Variants in CDK12 observed in about 807,000 individuals in gnomAD.
The protein encoded by CDK12 is cyclin-dependent kinase 12.
A neutral mutation model predicts 133.8 loss-of-function variants in CDK12; 17 were observed. The observed-to-expected ratio is 0.13, with a 90% CI of 0.09 to 0.19. CDK12 has a LOEUF of 0.19. Among genes scored for constraint, CDK12 ranks in the 10% least tolerant of loss-of-function variants. The pLI is 1.00. For synonymous variants in CDK12, 694 were observed against 683.6 expected (o/e 1.02, Z -0.24); for missense variants, 1,508 against 1,818.7 (o/e 0.83, Z 3.11).
In CDK12 at chr17:39,526,224, C is replaced by A. The variant is rs1212019409; in HGVS notation, c.3668C>A (p.Pro1223Gln). The change falls in exon 13 of 14, where the codon CCA (proline) becomes CAA (glutamine). Residue 1223 changes from proline to glutamine, a missense_variant. Pro to Gln is a moderately conservative substitution (Grantham distance 76). Transcript: ENST00000447079. ...AGTCAGCTGATGAAAACCCAAGAGCCAGCAGGCAGTCTGGAGGAAAACAAC... is the reference window on the plus strand; with the variant it reads ...AGTCAGCTGATGAAAACCCAAGAGCAAGCAGGCAGTCTGGAGGAAAACAAC... ...LLSQLMKTQE[P>Q]AGSLEENNSD... 2 of 1,613,424 alleles carry A rather than the reference C, an allele frequency of 1.2e-6. No individual in the cohort carries two copies. Among genetic ancestry groups the A allele is most frequent in the South Asian group, 1.1e-5 (1 of 90,970 alleles).
At chr17:39,487,869 C>A (rs2051267498) in intron 2 of CDK12, among the ~76,000 whole-genome samples, 1 of 152,004 alleles carries the variant, frequency 6.6e-6, no homozygotes, top group African/African-American at 2.4e-5. Context: ...CCTGCCTTGG[C>A]CTCCCAAAGT....
chr17:39,505,314 C>T (rs1206057206), intron 6 of CDK12, among the ~76,000 whole-genome samples: 6 of 151,090 alleles, frequency 4.0e-5, no homozygotes, highest in African/African-American at 1.2e-4. Context: ...ATCACGAGGT[C>T]AAGAGATCGA....
chr17:39,471,134 A>G lies in CDK12; in HGVS notation c.1302A>G (p.Ser434=), dbSNP rs56158954. The G allele has an allele frequency of 0.019, 30,154 of 1,598,328 alleles. 387 individuals carry two copies. Among genetic ancestry groups the G allele is most frequent in the Non-Finnish European group, 0.023 (27,150 of 1,174,920 alleles). ...PVFLPRKENS[S]VEAKDSGLES... is the part of the protein sequence containing the mutation. Reference sequence around the variant, plus strand: ...TTTTGCCTAGAAAAGAGAACAGTTCAGTAGAGGCTAAGGATTCAGGTTTGG... The same window carrying G: ...TTTTGCCTAGAAAAGAGAACAGTTCGGTAGAGGCTAAGGATTCAGGTTTGG... The change falls in exon 2 of 14, where the codon TCA becomes TCG. Residue 434 remains serine (S), a synonymous_variant. Transcript: ENST00000447079.
intron 6 of CDK12, 59 bp from the exon 7 acceptor site, chr17:39,509,646 A>G: frequency 1.8e-6 from 2 of 1,114,730 alleles, no homozygotes; most frequent in Admixed American, 1.8e-5. Flanking sequence ...ATGACTTTTC[A>G]GGTGTATTTT....
chr17:39,476,610 G>T (rs1162595906), intron 2 of CDK12, among the ~76,000 whole-genome samples: 1 of 149,208 alleles, frequency 6.7e-6, no homozygotes, highest in South Asian at 2.1e-4. Context: ...AATGGGTTTC[G>T]CCCTGTTGGC....
chr17:39,526,393 T>TC, intron 13 of CDK12, 77 bp downstream of exon 13: 1 of 1,125,586 alleles, frequency 8.9e-7, no homozygotes, highest in Non-Finnish European at 1.2e-6. Flanking sequence ...ACATTTTTTT[T>TC]CCCCCACATC....
chr17:39,560,478 G>C (rs1052586753), intron 3 of CDK12, among the ~76,000 whole-genome samples: 8 of 152,146 alleles, frequency 5.3e-5, no homozygotes, highest in African/African-American at 1.9e-4. Context: ...GGAAAATTGA[G>C]GCTCATGTTA....
At chr17:39,501,506 GT>G (rs1203386571) in intron 6 of CDK12, 67 bp downstream of exon 6, 1 of 1,075,016 alleles carries the variant, frequency 9.3e-7, no homozygotes, top group African/African-American at 1.6e-5. Flanking sequence ...GTTTCAAATG[GT>G]TAATTGGTAT....
chr17:39,470,765 T>TA (rs1202441937), intron 1 of CDK12, 114 bp from the exon 2 acceptor site: 25 of 906,650 alleles, frequency 2.8e-5, no homozygotes, highest in Middle Eastern at 7.2e-4. Context: ...TGATGGCACT[T>TA]AATCTATTTT....
At chr17:39,508,735 C>T (rs1216984513) in intron 6 of CDK12, among the ~76,000 whole-genome samples, 1 of 152,118 alleles carries the variant, frequency 6.6e-6, no homozygotes, top group Non-Finnish European at 1.5e-5. Flanking sequence ...TGGCCCATGC[C>T]TGTACTCCCA....
intron 2 of CDK12, among the ~76,000 whole-genome samples, chr17:39,477,187 AT>A (rs1362136405): frequency 6.7e-6 from 1 of 150,300 alleles, no homozygotes; most frequent in Admixed American, 6.7e-5. Flanking sequence ...TGTCTGGCTA[AT>A]TTTTGTAGTG....
rs1181949082 is a variant in CDK12, at chr17:39,462,195, C to T, written c.124C>T (p.His42Tyr). The change falls in exon 1 of 14, where the codon CAC becomes TAC. Residue 42 changes from histidine to tyrosine, a missense_variant. By Grantham distance (83) the His-to-Tyr change is moderately conservative. Transcript: ENST00000447079. ...SRERHRLVSK[H>Y]KRHKSKHSKD... is the part of the protein sequence containing the mutation. The stretch of plus-strand genomic sequence containing the variant: ...AGAGCGTCACCGCTTGGTATCGAAG[C>T]ACAAGCGGCATAAGTCCAAACACTC... The T allele has an allele frequency of 2.5e-6, 4 of 1,614,212 alleles. No individual in the cohort carries two copies. The highest frequency in any genetic ancestry group is 3.4e-6 in the Non-Finnish European group (4 of 1,180,026).
chr17:39,544,228 A>T (rs1335639333), upstream of CDK12: 1 of 483,198 alleles, frequency 2.1e-6, no homozygotes, highest in South Asian at 1.5e-5. Context: ...GTCTAATGTA[A>T]CCTGCCATTT....
At chr17:39,480,437 TTTTTTTTTTG>T (rs1567702959) in intron 2 of CDK12, among the ~76,000 whole-genome samples, 1 of 149,072 alleles carries the variant, frequency 6.7e-6, no homozygotes, top group Non-Finnish European at 1.5e-5. Context: ...GCCCAGCTAG[TTTTTTTTTTG>T]TTTTGTTTTG....
chr17:39,473,940 C>A (rs945718443), intron 2 of CDK12, among the ~76,000 whole-genome samples: 12 of 151,790 alleles, frequency 7.9e-5, no homozygotes, highest in African/African-American at 2.9e-4. Context: ...GCCTGTAATC[C>A]CAGCTACTCA....
intron 2 of CDK12, among the ~76,000 whole-genome samples, chr17:39,474,989 C>T (rs2050080409): frequency 6.6e-6 from 1 of 151,724 alleles, no homozygotes; most frequent in Non-Finnish European, 1.5e-5. Context: ...CATGTGCCAC[C>T]ATGCCTGGCT....
rs748747749 is a variant in CDK12, at chr17:39,509,705, T to C, written c.2610T>C (p.Ser870=). ...IKCSNILLNN[S]GQIKLADFGL... Reference sequence around the variant, plus strand: ...AAAATAATTGTTTTTTGTTTTACAGTGGGCAAATCAAACTAGCAGATTTTG... The same window carrying C: ...AAAATAATTGTTTTTTGTTTTACAGCGGGCAAATCAAACTAGCAGATTTTG... Residue 870 remains serine, a splice_region_variant and synonymous_variant, in exon 7 of 14, where the codon AGT becomes AGC. Coordinates refer to ENST00000447079, the MANE Select transcript of CDK12 (RefSeq NM_016507.4). 2.5e-6 allele frequency: 4 copies of C among 1,611,152 alleles called. No homozygotes were observed. Among genetic ancestry groups the C allele is most frequent in the Admixed American group, 3.3e-5 (2 of 60,002 alleles).
At position 39,531,116 on chromosome 17, in the gene CDK12, G is replaced by A. The variant is rs746233561; in HGVS notation, c.4273G>A (p.Gly1425Arg). The part of the protein sequence containing the change: ...VVGQPFLKAE[G>R]SSNSVVHAET... Reference sequence around the variant, plus strand: ...CGGGCAACCATTCCTGAAGGCTGAGGGAAGCAGCAATTCTGTGGTACATGC... The same window carrying A: ...CGGGCAACCATTCCTGAAGGCTGAGAGAAGCAGCAATTCTGTGGTACATGC... Residue 1425 changes from glycine (G) to arginine (R), a missense_variant, in exon 14 of 14, where the codon GGA becomes AGA. Around this residue, in one of 9 missense-constraint regions of CDK12, gnomAD observed 114 missense variants for 101.2 expected, o/e 1.13. Transcript: ENST00000447079. The A allele has an allele frequency of 1.3e-6, 2 of 1,573,864 alleles. No homozygotes were observed. Among genetic ancestry groups the A allele is most frequent in the South Asian group, 2.4e-5 (2 of 84,126 alleles).
intron 6 of CDK12, 48 bp downstream of exon 6, chr17:39,501,487 AC>A: frequency 1.5e-6 from 2 of 1,326,108 alleles, no homozygotes. Flanking sequence ...TTCTCCTCTG[AC>A]CTTTTTAGTT....
Sources: allele counts gnomAD v4.1 joint callset (sites outside exome capture counted in the v4.1 genomes callset), GRCh38; gene constraint gnomAD v4.1.1; regional missense constraint gnomAD v4.1.1; transcripts MANE v1.5; gene names NCBI Gene and HGNC (gene_info 2026-07-23, HGNC 2026-07-21).